Variants in MYCBPAP observed in about 807,000 individuals in gnomAD.
MYCBPAP encodes the protein MYCBP-associated protein.
MYCBPAP carries 60 observed loss-of-function variants against 106.1 expected under a neutral mutation model. The ratio of observed to expected loss-of-function variants is 0.57; its 90% CI spans 0.46 to 0.70. MYCBPAP has a LOEUF of 0.70. Ranked by LOEUF, MYCBPAP falls within the 30% of genes least tolerant of loss-of-function variation. The probability of loss-of-function intolerance (pLI) is 0.00; values close to 1 mark genes in which losing one functional copy is unlikely to be tolerated. For synonymous variants in MYCBPAP, 407 were observed against 440.6 expected (o/e 0.92, Z 0.95); for missense variants, 1,064 against 1,169.3 (o/e 0.91, Z 1.31).
intron 13 of MYCBPAP, 164 bp downstream of exon 13, chr17:50,525,187 G>A (rs192359958): frequency 1.1e-4 from 86 of 763,754 alleles, no homozygotes; most frequent in East Asian, 4.6e-4. Flanking sequence ...ATAGGAGCAC[G>A]AATCCCATTG....
rs199969102 is a variant in MYCBPAP at position 50,525,655 on chromosome 17, T to TTC, written c.1783-222_1783-221dup. Among the ~76,000 whole-genome samples the TTC allele has an allele frequency of 3.2e-4, 32 of 101,318 alleles. 1 individual carries two copies. The highest frequency in any genetic ancestry group is 1.5e-3 in the African/African-American group (27 of 17,996). 66.5% of individuals were successfully genotyped at this position (101,318 alleles called of 152,430 possible). A position where few individuals can be genotyped will look rare whatever the true frequency, so the allele number is the denominator to read the frequency against. On this transcript the variant is annotated intron_variant, in intron 13 of 18. Transcript: ENST00000323776. ...GCATACATCACCATGCTCAGCTAATTTCTCTTTTTTTTTTTGGTAGAGATA... is the reference window on the plus strand; with the variant it reads ...GCATACATCACCATGCTCAGCTAATTTCTCTCTTTTTTTTTTTGGTAGAGATA...
At position 50,519,736 on chromosome 17, in the gene MYCBPAP, A is replaced by C. The variant is rs1322077417; in HGVS notation, c.865A>C (p.Met289Leu). 3 of 1,613,982 alleles carry C rather than the reference A, an allele frequency of 1.9e-6. No individual in the cohort carries two copies. The highest frequency in any genetic ancestry group is 2.7e-5 in the African/African-American group (2 of 74,932). Residue 289 changes from methionine (M) to leucine (L), a missense_variant, in exon 7 of 19, where the codon ATG (methionine) becomes CTG (leucine). By Grantham distance (15) the Met-to-Leu change is conservative. Transcript: ENST00000323776. ...CAAGACAAAAACTCAGCGTGGCCTC[A>C]TGGAGCCCATCACTCACATCAGGAA... ...MTKTKTQRGL[M>L]EPITHIRKPH... is the part of the protein sequence containing the mutation.
intron 1 of MYCBPAP, among the ~76,000 whole-genome samples, chr17:50,511,734 G>A (rs1266630370): frequency 6.6e-6 from 1 of 152,148 alleles, no homozygotes; most frequent in Non-Finnish European, 1.5e-5. Context: ...CTATCAGCTT[G>A]GGATTCCAGA....
chr17:50,508,313 T>TC, upstream of MYCBPAP: 1 of 439,564 alleles, frequency 2.3e-6, no homozygotes, highest in Non-Finnish European at 4.0e-6. Flanking sequence ...AGCCAGCCAC[T>TC]CCCACCCAGC....
rs112261382 is a variant in MYCBPAP, at chr17:50,519,691, A to G, written c.820A>G (p.Met274Val). 125 of 1,614,100 alleles carry G rather than the reference A, an allele frequency of 7.7e-5. No individual in the cohort carries two copies. The highest frequency in any genetic ancestry group is 2.0e-4 in the Admixed American group (12 of 60,016). ...WSRLEYLGDE[M>V]TGLVMTKTKT... Reference sequence around the variant, plus strand: ...TCGACTGGAATACTTGGGAGATGAGATGACAGGTCTGGTCATGACCAAGAC... The same window carrying G: ...TCGACTGGAATACTTGGGAGATGAGGTGACAGGTCTGGTCATGACCAAGAC... Residue 274 changes from methionine (M) to valine (V), a missense_variant, in exon 7 of 19, where the codon ATG becomes GTG. Met to Val is a conservative substitution (Grantham distance 21). Coordinates refer to ENST00000323776, the MANE Select transcript of MYCBPAP (RefSeq NM_032133.6).
chr17:50,517,003 A>G (rs931190878), intron 2 of MYCBPAP, among the ~76,000 whole-genome samples: 1 of 152,226 alleles, frequency 6.6e-6, no homozygotes, highest in African/African-American at 2.4e-5. Flanking sequence ...GCCAAGGTAC[A>G]GCTCTGGGTA....
chr17:50,527,086 C>A (rs988308111), intron 14 of MYCBPAP, among the ~76,000 whole-genome samples: 2 of 152,192 alleles, frequency 1.3e-5, no homozygotes, highest in Non-Finnish European at 2.9e-5. Context: ...CTGACCCTGG[C>A]AAATCTTGGA....
Position 50,531,453 on chromosome 17 carries a change from G to GA in MYCBPAP, c.*29dup. ...ACTCTCGGGCCCAAGCAACCTTCTG[G>GA]AAAACGGGTTAATAAATAAATCAAT... On this transcript the variant is annotated 3_prime_UTR_variant, in exon 19 of 19. Coordinates refer to ENST00000323776, the MANE Select transcript of MYCBPAP (RefSeq NM_032133.6). 1.9e-6 allele frequency: 3 copies of GA among 1,543,594 alleles called. No homozygotes were observed. The highest frequency in any genetic ancestry group is 2.6e-6 in the Non-Finnish European group (3 of 1,132,534).
Position 50,521,984 on chromosome 17 carries a change from C to T in MYCBPAP, c.1160C>T (p.Ala387Val), listed in dbSNP as rs760294989. Reference sequence around the variant, plus strand: ...GGCTTTTCTTACAGAGGCACATTGGCCAGTTCCTCTGATGTCTCCATGCCT... The same window carrying T: ...GGCTTTTCTTACAGAGGCACATTGGTCAGTTCCTCTGATGTCTCCATGCCT... ...SEDTAYLGTLASSSDVSMPIL... is the reference protein window; with the variant it reads ...SEDTAYLGTLVSSSDVSMPIL... Residue 387 changes from alanine to valine, a missense_variant, in exon 10 of 19, where the codon GCC becomes GTC. Transcript: ENST00000323776. The T allele has an allele frequency of 1.9e-6, 3 of 1,613,504 alleles. No homozygotes were observed. The highest frequency in any genetic ancestry group is 2.5e-6 in the Non-Finnish European group (3 of 1,179,538).
At chr17:50,508,814 T>C (rs2033714825) in intron 1 of MYCBPAP, 64 bp downstream of exon 1, 20 of 1,418,410 alleles carry the variant, frequency 1.4e-5, no homozygotes. Flanking sequence ...CCGGAAAGAG[T>C]TCAGGACACG....
At chr17:50,510,499 G>GTGTATATATA (rs1418345705) in intron 1 of MYCBPAP, 89 of 76,390 alleles carry the variant, frequency 1.2e-3, no homozygotes, top group Non-Finnish European at 1.3e-3. Context: ...GTGTGTGTGT[G>GTGTATATATA]TATATATATA....
rs1555620749 is a variant in MYCBPAP, at chr17:50,522,694, CAA to C, written c.1258-230_1258-229del. On this transcript the variant is annotated intron_variant, in intron 10 of 18. Transcript: ENST00000323776. The stretch of plus-strand genomic sequence containing the variant: ...AGGTGACAAGAGCGAAACTCTGTCT[CAA>C]AAAAAAAAAAAAAATATATATATAT... 1.2e-3 allele frequency: 45 copies of C among 36,296 alleles called. 4 individuals carry two copies. The highest frequency in any genetic ancestry group is 2.1e-3 in the African/African-American group (13 of 6,092). The allele number at this position is 36,296 out of a possible 1,614,324, so 2.2% of individuals were successfully genotyped here. A position where few individuals can be genotyped will look rare whatever the true frequency, so the allele number is the denominator to read the frequency against.
rs372775980 is a variant in MYCBPAP, at chr17:50,522,919, C to G, written c.1258-20C>G. The G allele has an allele frequency of 1.2e-6, 2 of 1,601,352 alleles. No homozygotes were observed. Among genetic ancestry groups the G allele is most frequent in the Non-Finnish European group, 1.7e-6 (2 of 1,170,320 alleles). On this transcript the variant is annotated intron_variant, in intron 10 of 18. Coordinates refer to ENST00000323776, the MANE Select transcript of MYCBPAP (RefSeq NM_032133.6). Reference sequence around the variant, plus strand: ...GCCAGGGTTTGCAGCAAAGACATTTCTTGTCCCTCCTCCTTCCAGAGGCAG... The same window carrying G: ...GCCAGGGTTTGCAGCAAAGACATTTGTTGTCCCTCCTCCTTCCAGAGGCAG...
At chr17:50,527,154 C>T (rs2034488654) in intron 14 of MYCBPAP, 133 bp from the exon 15 acceptor site, 6 of 1,298,688 alleles carry the variant, frequency 4.6e-6, no homozygotes, top group Non-Finnish European at 6.4e-6. Context: ...CCAAAGGCAC[C>T]CAGACAGCTC....
At chr17:50,508,246 A>G (rs868356188), upstream of MYCBPAP, 2 of 314,052 alleles carry the variant, frequency 6.4e-6, no homozygotes, top group South Asian at 5.8e-5. Flanking sequence ...CCGACGCCCC[A>G]CCCGCCCCCC....
chr17:50,526,237 G>A lies in MYCBPAP; in HGVS notation c.2139G>A (p.Glu713=). 1 of 1,611,580 alleles carries A rather than the reference G, an allele frequency of 6.2e-7. No individual in the cohort carries two copies. Among genetic ancestry groups the A allele is most frequent in the Non-Finnish European group, 8.5e-7 (1 of 1,179,522 alleles). ...AGCCGGATGGCCTTCCCCTGCTGGA[G>A]TGGAACCTCTGCTTGGAGGACTTCA... ...PWEPDGLPLL[E]WNLCLEDFRK... The change falls in exon 14 of 19, where the codon GAG becomes GAA. Residue 713 remains glutamate, a synonymous_variant. Transcript: ENST00000323776.
chr17:50,521,902 G>A (rs1485420380), intron 9 of MYCBPAP, 71 bp from the exon 10 acceptor site: 25 of 1,437,572 alleles, frequency 1.7e-5, no homozygotes, highest in Middle Eastern at 1.8e-4. Context: ...CCTGGTGACC[G>A]TTTCTGTGGG....
Position 50,517,338 on chromosome 17 carries a change from A to ACCCAGAAATTTATCATCC in MYCBPAP, c.251_268dup (p.Ile89_Arg90insProGlnLysPheIleIle). On this transcript the variant is annotated inframe_insertion, in exon 3 of 19. Transcript: ENST00000323776. ...TGAAAAGGAAGATAAACGTGTCATC[A>ACCCAGAAATTTATCATCC]CCCAGAAATTTATCATCCGTAAACT... 6.2e-7 allele frequency: 1 copy of ACCCAGAAATTTATCATCC among 1,614,102 alleles called. No homozygotes were observed. Among genetic ancestry groups the ACCCAGAAATTTATCATCC allele is most frequent in the Non-Finnish European group, 8.5e-7 (1 of 1,180,000 alleles).
chr17:50,518,828 G>A, intron 5 of MYCBPAP, 104 bp downstream of exon 5: 1 of 1,490,922 alleles, frequency 6.7e-7, no homozygotes, highest in Non-Finnish European at 9.2e-7. Flanking sequence ...GACCACATTT[G>A]TGCTTTCACT....
Sources: gnomAD v4.1 joint callset for allele counts (sites outside exome capture counted in the v4.1 genomes callset) on GRCh38, gnomAD v4.1.1 for gene constraint, MANE v1.5 for transcripts, NCBI Gene and HGNC (gene_info 2026-07-23, HGNC 2026-07-21) for gene names.